The following RPS6KA5 variants were observed in gnomAD, a reference collection of about 807,000 sequenced individuals.
RPS6KA5 encodes ribosomal protein S6 kinase A5, also known as ribosomal protein S6 kinase alpha-5.
Under a neutral mutation model 85.5 loss-of-function variants are expected in RPS6KA5, and 27 were observed. The ratio of observed to expected loss-of-function variants is 0.32; its 90% CI spans 0.23 to 0.44. RPS6KA5 has a LOEUF of 0.44. Ranked by LOEUF, RPS6KA5 falls within the 20% of genes least tolerant of loss-of-function variation. The pLI is 1.00. For synonymous variants in RPS6KA5, 334 were observed against 348.2 expected, an observed-to-expected ratio of 0.96 and a Z score of 0.46; for missense variants, 811 against 980.9, an observed-to-expected ratio of 0.83 and a Z score of 2.31.
chr14:90,943,442 C>T (rs2037697609), intron 4 of RPS6KA5, among the ~76,000 whole-genome samples: 2 of 152,018 alleles, frequency 1.3e-5, no homozygotes, highest in South Asian at 4.1e-4. Context: ...TTAGGGCCTC[C>T]CTCTTGACTC....
At chr14:91,000,916 A>G (rs951507810) in intron 2 of RPS6KA5, among the ~76,000 whole-genome samples, 172 bp downstream of exon 2, 4 of 152,012 alleles carry the variant, frequency 2.6e-5, no homozygotes, top group African/African-American at 9.7e-5. Context: ...AATTCTTTTT[A>G]TTTTTGCCTT....
chr14:90,887,054 CT>C (rs1204032069), intron 14 of RPS6KA5, among the ~76,000 whole-genome samples: 3 of 151,998 alleles, frequency 2.0e-5, no homozygotes. Context: ...ATAATTCAGC[CT>C]TTGTATCTAG....
At chr14:90,987,490 TA>T (rs35675951) in intron 2 of RPS6KA5, among the ~76,000 whole-genome samples, 2 of 151,630 alleles carry the variant, frequency 1.3e-5, no homozygotes, top group Non-Finnish European at 2.9e-5. Context: ...AAATCTGTAG[TA>T]AAAAAAAGAT....
At chr14:90,943,426 G>C (rs1466296102) in intron 4 of RPS6KA5, among the ~76,000 whole-genome samples, 2 of 152,058 alleles carry the variant, frequency 1.3e-5, no homozygotes, top group African/African-American at 4.8e-5. Flanking sequence ...TGTTGGGTCA[G>C]CTTCTTTAGG....
chr14:90,996,225 TGAA>T (rs1461409697), intron 2 of RPS6KA5, among the ~76,000 whole-genome samples: 1 of 151,050 alleles, frequency 6.6e-6, no homozygotes, highest in African/African-American at 2.4e-5. Context: ...TCAGTAGAGA[TGAA>T]GTCTCGCTAT....
intron 13 of RPS6KA5, among the ~76,000 whole-genome samples, chr14:90,893,110 C>A (rs1400214165): frequency 6.6e-6 from 1 of 152,102 alleles, no homozygotes; most frequent in Non-Finnish European, 1.5e-5. Flanking sequence ...AAAATGAATT[C>A]TATACAGTCA....
At chr14:90,926,561 A>G (rs538137976) in intron 5 of RPS6KA5, among the ~76,000 whole-genome samples, 1 of 152,166 alleles carries the variant, frequency 6.6e-6, no homozygotes, top group African/African-American at 2.4e-5. Context: ...GTGCTGTCTT[A>G]TAATAATTCA....
rs756977973 is a variant in RPS6KA5 at position 90,902,976 on chromosome 14, CAAA to C, written c.958-10_958-8del. 1.1e-5 allele frequency: 18 copies of C among 1,605,894 alleles called. No individual in the cohort carries two copies. The African/African-American group carries it at 2.1e-4, about 19-fold the overall frequency. ...AATCATCCCAATTTATTTTCTAAAA[CAAA>C]GAAAGTTGGTACAAAGTAGAAATCA... On this transcript the variant is annotated splice_region_variant and splice_polypyrimidine_tract_variant and intron_variant, in intron 8 of 16. Transcript: ENST00000614987.
At chr14:90,936,988 G>A (rs2037292588) in intron 5 of RPS6KA5, among the ~76,000 whole-genome samples, 1 of 152,022 alleles carries the variant, frequency 6.6e-6, no homozygotes, top group Non-Finnish European at 1.5e-5. Context: ...CAGAAGAGAA[G>A]GTTGGCCAAG....
At chr14:90,969,179 C>G in intron 3 of RPS6KA5, among the ~76,000 whole-genome samples, 1 of 152,154 alleles carries the variant, frequency 6.6e-6, no homozygotes, top group East Asian at 1.9e-4. Context: ...AGAATTTGAA[C>G]TGAAGATCTC....
intron 2 of RPS6KA5, among the ~76,000 whole-genome samples, chr14:90,992,144 T>C (rs2040336133): frequency 1.3e-5 from 2 of 152,160 alleles, no homozygotes; most frequent in African/African-American, 4.8e-5. Context: ...AGTGGTAAAA[T>C]TTTTGAATAA....
At chr14:90,930,304 G>A (rs1042809845) in intron 5 of RPS6KA5, among the ~76,000 whole-genome samples, 1 of 152,158 alleles carries the variant, frequency 6.6e-6, no homozygotes, top group African/African-American at 2.4e-5. Flanking sequence ...GTTGCATTTC[G>A]AATAAGAAGA....
chr14:91,053,735 A>T (rs901431399), intron 1 of RPS6KA5, among the ~76,000 whole-genome samples: 1 of 152,358 alleles, frequency 6.6e-6, no homozygotes, highest in South Asian at 2.1e-4. Context: ...ATGTTCATAG[A>T]TCAGACGACT....
intron 1 of RPS6KA5, among the ~76,000 whole-genome samples, chr14:91,005,348 T>C (rs889168275): frequency 6.6e-6 from 1 of 152,252 alleles, no homozygotes; most frequent in African/African-American, 2.4e-5. Flanking sequence ...AAAGGTGATA[T>C]GATATAGGCC....
chr14:90,894,366 A>C, intron 13 of RPS6KA5, 47 bp downstream of exon 13: 1 of 1,465,548 alleles, frequency 6.8e-7, no homozygotes, highest in South Asian at 1.6e-5. Context: ...GAGATCTTTA[A>C]TAATGGTGCT....
intron 4 of RPS6KA5, among the ~76,000 whole-genome samples, chr14:90,947,102 C>T (rs1247327903): frequency 6.6e-6 from 1 of 152,154 alleles, no homozygotes; most frequent in Non-Finnish European, 1.5e-5. Context: ...GAAGGAAATA[C>T]ATATTATGAC....
chr14:90,892,145 C>A (rs928616697), intron 13 of RPS6KA5, among the ~76,000 whole-genome samples: 1 of 151,882 alleles, frequency 6.6e-6, no homozygotes, highest in Admixed American at 6.6e-5. Flanking sequence ...ATTACAGGTG[C>A]CCGCCACCAT....
intron 1 of RPS6KA5, among the ~76,000 whole-genome samples, chr14:91,029,198 A>G (rs186673791): frequency 7.2e-5 from 11 of 152,342 alleles, no homozygotes; most frequent in Admixed American, 5.9e-4. Context: ...TAAACTCACT[A>G]AAAATGACAT....
rs1053670032 is a variant in RPS6KA5, at chr14:90,853,203, C to A, written c.*18871G>T. ...TTCTCAACATAGGCTTTGAAAAATT[C>A]CTCTAAATGAAACAACTTTATAAGG... is the stretch of plus-strand genomic sequence containing the variant. On this transcript the variant is annotated 3_prime_UTR_variant, in exon 17 of 17. Coordinates refer to ENST00000614987, the MANE Select transcript of RPS6KA5 (RefSeq NM_004755.4). 8 of 152,160 alleles carry A rather than the reference C, an allele frequency of 5.3e-5. No homozygotes were observed. In the East Asian group the frequency reaches 1.5e-3, roughly 29 times the overall value. The allele number at this position is 152,160 out of a possible 1,614,324, so 9.4% of individuals were successfully genotyped here.
Sources: allele counts gnomAD v4.1 joint callset (sites outside exome capture counted in the v4.1 genomes callset), GRCh38; gene constraint gnomAD v4.1.1; transcripts MANE v1.5; gene names NCBI Gene and HGNC (gene_info 2026-07-23, HGNC 2026-07-21).